Variants in MCMBP observed in about 807,000 individuals in gnomAD.
MCMBP encodes the protein mini-chromosome maintenance complex-binding protein.
A neutral mutation model predicts 81.3 loss-of-function variants in MCMBP; 31 were observed. The observed-to-expected ratio is 0.38, with a 90% CI of 0.29 to 0.51. The LOEUF (loss-of-function observed/expected upper bound fraction) is 0.51. Among genes scored for constraint, MCMBP ranks in the 20% least tolerant of loss-of-function variants. The pLI, the probability that MCMBP is intolerant of heterozygous loss-of-function variation, is 0.87. For missense variants in MCMBP, 645 were observed against 772.1 expected (o/e 0.84, Z 1.95); for synonymous variants, 267 against 275.9 (o/e 0.97, Z 0.32).
At chr10:119,873,019 T>A (rs930762038), upstream of MCMBP, among the ~76,000 whole-genome samples, 13 of 151,606 alleles carry the variant, frequency 8.6e-5, no homozygotes, top group African/African-American at 3.1e-4. Flanking sequence ...CGCTGGAGGC[T>A]GCGCAGCGCG....
At chr10:119,840,441 T>G (rs932836943) in intron 11 of MCMBP, among the ~76,000 whole-genome samples, 2 of 152,184 alleles carry the variant, frequency 1.3e-5, no homozygotes, top group Admixed American at 1.3e-4. Flanking sequence ...GAGCTCAACT[T>G]TCCAAACAGG....
intron 8 of MCMBP, among the ~76,000 whole-genome samples, chr10:119,846,478 T>TA (rs1282849856): frequency 6.6e-6 from 1 of 152,198 alleles, no homozygotes; most frequent in Non-Finnish European, 1.5e-5. Flanking sequence ...GGTGAAAGTT[T>TA]AATGAGAAAC....
At position 119,846,816 on chromosome 10, in the gene MCMBP, A is replaced by G. The variant is rs570328101; in HGVS notation, c.827+797T>C. 2.0e-5 allele frequency among the ~76,000 whole-genome samples: 3 copies of G among 152,274 alleles called. No homozygotes were observed. The Middle Eastern group carries it at 0.01, about 518-fold the overall frequency. ...AGAAGACAGCCATCTGTAAACCAGG[A>G]AGCGGGCCCTCACTAGAAACCAGAT... On this transcript the variant is annotated intron_variant, in intron 8 of 15. Transcript: ENST00000369077.
At chr10:119,833,006 G>A (rs146426025) in intron 14 of MCMBP, among the ~76,000 whole-genome samples, 94 of 152,324 alleles carry the variant, frequency 6.2e-4, no homozygotes, top group Admixed American at 1.4e-3. Context: ...TGGAGGCTCT[G>A]TGCGAGCAGG....
chr10:119,851,383 A>G (rs1321738948), intron 6 of MCMBP, among the ~76,000 whole-genome samples: 1 of 152,210 alleles, frequency 6.6e-6, no homozygotes, highest in Non-Finnish European at 1.5e-5. Flanking sequence ...TAAGAGAATT[A>G]ACATATTTCC....
intron 7 of MCMBP, 42 bp downstream of exon 7, chr10:119,849,383 C>T (rs1338410808): frequency 6.3e-7 from 1 of 1,582,584 alleles, no homozygotes; most frequent in Non-Finnish European, 8.6e-7. Flanking sequence ...CTTTCTGAGA[C>T]ACATAACATT....
At chr10:119,856,948 A>C (rs2134386230) in intron 5 of MCMBP, among the ~76,000 whole-genome samples, 1 of 152,032 alleles carries the variant, frequency 6.6e-6, no homozygotes, top group Admixed American at 6.6e-5. Flanking sequence ...AGAAATCAAA[A>C]AATTCGCCAG....
chr10:119,849,667 C>A, intron 6 of MCMBP, 91 bp from the exon 7 acceptor site: 1 of 1,182,626 alleles, frequency 8.5e-7, no homozygotes, highest in Non-Finnish European at 1.2e-6. Context: ...GTTTGATATA[C>A]GTGATGCTTC....
At chr10:119,857,522 C>A in intron 4 of MCMBP, 83 bp from the exon 5 acceptor site, 1 of 707,946 alleles carries the variant, frequency 1.4e-6, no homozygotes, top group Non-Finnish European at 2.3e-6. Flanking sequence ...CACATTTTCA[C>A]ATTATAACAC....
At chr10:119,870,394 C>T (rs1347901504) in intron 1 of MCMBP, among the ~76,000 whole-genome samples, 1 of 152,038 alleles carries the variant, frequency 6.6e-6, no homozygotes, top group Non-Finnish European at 1.5e-5. Flanking sequence ...TTGCAGTGAG[C>T]CGAGATTGCG....
chr10:119,859,524 A>G (rs572795348), intron 2 of MCMBP, among the ~76,000 whole-genome samples: 1 of 152,356 alleles, frequency 6.6e-6, no homozygotes, highest in East Asian at 1.9e-4. Context: ...TTTTAAAATG[A>G]AGGTAATAAA....
intron 1 of MCMBP, among the ~76,000 whole-genome samples, chr10:119,863,065 C>T (rs916084431): frequency 6.6e-5 from 10 of 152,032 alleles, no homozygotes; most frequent in African/African-American, 1.7e-4. Flanking sequence ...TTTCTGATAC[C>T]GGATTTTCAA....
chr10:119,843,362 T>G lies in MCMBP; in HGVS notation c.892A>C (p.Ser298Arg). 1 of 1,614,104 alleles carries G rather than the reference T, an allele frequency of 6.2e-7. No homozygotes were observed. Among genetic ancestry groups the G allele is most frequent in the Non-Finnish European group, 8.5e-7 (1 of 1,179,968 alleles). ...CTCGGCACTAATGAAGCAGGAGGAC[T>G]GTGTACTCTCTGCTCCTCTGCTGTG... ...TDTAEEQRVH[S>R]PPASLVPRIH... Residue 298 changes from serine (S) to arginine (R), a missense_variant, in exon 9 of 16, where the codon AGT becomes CGT. Transcript: ENST00000369077.
intron 1 of MCMBP, among the ~76,000 whole-genome samples, chr10:119,860,345 A>T (rs1484099849): frequency 6.6e-6 from 1 of 152,216 alleles, no homozygotes; most frequent in Non-Finnish European, 1.5e-5. Flanking sequence ...CCAGATTCAA[A>T]AAAGTTGGAA....
At chr10:119,866,930 T>C (rs1371004458) in intron 1 of MCMBP, among the ~76,000 whole-genome samples, 1 of 151,838 alleles carries the variant, frequency 6.6e-6, no homozygotes, top group Non-Finnish European at 1.5e-5. Flanking sequence ...GCCACTGCAC[T>C]CTAGCCTGGG....
Position 119,836,998 on chromosome 10 carries a change from G to A in MCMBP, c.1440C>T (p.Leu480=), listed in dbSNP as rs770783551. Residue 480 remains leucine, a synonymous_variant, in exon 13 of 16, where the codon CTC becomes CTT. Transcript: ENST00000369077. ...GVHNVTALSN[L]ITWQKVDYDF... ...CATAATCCACCTTCTGCCACGTTAT[G>A]AGGTTGCTCAGGGCTGTCACATTAT... 1 of 1,613,736 alleles carries A rather than the reference G, an allele frequency of 6.2e-7. No homozygotes were observed. Among genetic ancestry groups the A allele is most frequent in the South Asian group, 1.1e-5 (1 of 91,030 alleles).
intron 1 of MCMBP, among the ~76,000 whole-genome samples, chr10:119,861,279 C>T (rs966861485): frequency 1.3e-5 from 2 of 152,146 alleles, no homozygotes; most frequent in Admixed American, 1.3e-4. Context: ...ATGGGGGACT[C>T]CTCAGGTGAT....
Position 119,838,798 on chromosome 10 carries a change from T to A in MCMBP, c.1243-98A>T. On this transcript the variant is annotated intron_variant, in intron 11 of 15. Transcript: ENST00000369077. The stretch of plus-strand genomic sequence containing the variant: ...AACATTGTGTTTCATATGGAAAAAG[T>A]GATCTTATAAATTTCTAAGGGAGTA... The A allele has an allele frequency of 2.7e-6, 3 of 1,119,450 alleles. 1 individual carries two copies. In the South Asian group the frequency reaches 5.6e-5, roughly 21 times the overall value. The allele number at this position is 1,119,450 out of a possible 1,614,324, so 69.3% of individuals were successfully genotyped here.
At chr10:119,834,847 G>A (rs55749845) in intron 14 of MCMBP, among the ~76,000 whole-genome samples, 5 of 121,024 alleles carry the variant, frequency 4.1e-5, no homozygotes, top group African/African-American at 1.6e-4. Flanking sequence ...GGATGACACA[G>A]CGAGACCCTG....
Sources: allele counts gnomAD v4.1 joint callset (sites outside exome capture counted in the v4.1 genomes callset), GRCh38; gene constraint gnomAD v4.1.1; transcripts MANE v1.5; gene names NCBI Gene and HGNC (gene_info 2026-07-23, HGNC 2026-07-21).